Variants in UPRT observed in about 807,000 individuals in gnomAD.
UPRT encodes uracil phosphoribosyltransferase homolog.
UPRT carries 5 observed loss-of-function variants against 22.6 expected under a neutral mutation model. The ratio of observed to expected loss-of-function variants is 0.22; its 90% CI spans 0.12 to 0.47. The LOEUF is 0.47. Among genes scored for constraint, UPRT ranks in the 20% least tolerant of loss-of-function variants. The pLI, the probability that UPRT is intolerant of heterozygous loss-of-function variation, is 0.99. For missense variants in UPRT, 181 were observed against 239.9 expected (o/e 0.75, Z 1.62); for synonymous variants, 77 against 87.7 (o/e 0.88, Z 0.68).
At chrX:75,294,437 A>G in intron 2 of UPRT, 1 of 390,173 alleles carries the variant, frequency 2.6e-6, no homozygotes. Context: ...TAGATTTACA[A>G]ACTAAGTGCA....
In UPRT at chrX:75,180,681, G is replaced by GTTTTTTTTTTTTTTTTTTTTTTTTTT. The variant is rs59522302; in HGVS notation, c.-447+12815_-447+12816insTTTTTTTTTTTTTTTTTTTTTTTTTT. Among the ~76,000 whole-genome samples, 11 of 43,904 alleles carry GTTTTTTTTTTTTTTTTTTTTTTTTTT rather than the reference G, an allele frequency of 2.5e-4. 2 individuals are homozygous for GTTTTTTTTTTTTTTTTTTTTTTTTTT. Among genetic ancestry groups the GTTTTTTTTTTTTTTTTTTTTTTTTTT allele is most frequent in the Admixed American group, 3.6e-4 (1 of 2,758 alleles). The allele number at this position is 43,904 out of a possible 115,157, so 38.1% of individuals were successfully genotyped here. A position where few individuals can be genotyped will look rare whatever the true frequency, so the allele number is the denominator to read the frequency against. Reference sequence around the variant, plus strand: ...GTCTTCCATCTTCCCCCTTTTCTCTGTTTTTTTTTTTTTGTTTTTTTTTTT... The same window carrying GTTTTTTTTTTTTTTTTTTTTTTTTTT: ...GTCTTCCATCTTCCCCCTTTTCTCTGTTTTTTTTTTTTTTTTTTTTTTTTTTTTTTTTTTTTTTTGTTTTTTTTTTT... On this transcript the variant is annotated intron_variant, in intron 4 of 13. Coordinates refer to the UPRT transcript ENST00000652605.
At chrX:75,237,625 A>T (rs1165038519) in intron 4 of UPRT, among the ~76,000 whole-genome samples, 1 of 110,724 alleles carries the variant, frequency 9.0e-6, no homozygotes, top group Non-Finnish European at 1.9e-5. Context: ...GCCATAAAAA[A>T]TGATGAATTC....
In UPRT at chrX:75,279,545, A is replaced by G. The variant is rs1317868933; in HGVS notation, c.386+4905A>G. Among the ~76,000 whole-genome samples, 4 of 111,940 alleles carry G rather than the reference A, an allele frequency of 3.6e-5. No homozygotes were observed. The South Asian group carries it at 1.5e-3, about 42-fold the overall frequency. On this transcript the variant is annotated intron_variant, in intron 1 of 6. Transcript: ENST00000373383. Reference sequence around the variant, plus strand: ...GACACAAAGGATAATTAATGTAGCAATTGTAATCAGATAAAATGATAGTTT... The same window carrying G: ...GACACAAAGGATAATTAATGTAGCAGTTGTAATCAGATAAAATGATAGTTT...
chrX:75,297,556 A>G lies in UPRT; in HGVS notation c.562+3A>G, dbSNP rs763765255. On this transcript the variant is annotated splice_donor_region_variant and intron_variant, in intron 4 of 6. Transcript: ENST00000373383. ...TGGGGTCAGCATAATGAGAAGCGGT[A>G]GGTTCACGTGTGTGTGATTTTTGTC... The G allele has an allele frequency of 5.0e-6, 6 of 1,209,603 alleles. No homozygotes were observed. The highest frequency in any genetic ancestry group is 5.6e-6 in the Non-Finnish European group (5 of 894,668).
intron 6 of UPRT, among the ~76,000 whole-genome samples, chrX:75,303,184 A>G (rs2082750287): frequency 8.9e-6 from 1 of 112,060 alleles, no homozygotes; most frequent in South Asian, 3.7e-4. Flanking sequence ...TAATAATTCT[A>G]AGAATGTATT....
intron 1 of UPRT, among the ~76,000 whole-genome samples, chrX:75,283,101 C>T (rs570695676): frequency 8.9e-6 from 1 of 111,950 alleles, no homozygotes; most frequent in Middle Eastern, 4.6e-3. Context: ...TACTCCAGCT[C>T]GGTTTTGGTG....
At chrX:75,168,029 G>C (rs2082217424) in intron 4 of UPRT, among the ~76,000 whole-genome samples, 1 of 112,041 alleles carries the variant, frequency 8.9e-6, no homozygotes, top group Non-Finnish European at 1.9e-5. Context: ...GAAATAATTA[G>C]CAAGTATCAT....
At chrX:75,249,973 C>T (rs911532795) in intron 4 of UPRT, among the ~76,000 whole-genome samples, 31 of 111,709 alleles carry the variant, frequency 2.8e-4, no homozygotes, top group Admixed American at 8.6e-4. Context: ...GGGTACATAA[C>T]GAAACAAAGG....
chrX:75,200,788 C>CA (rs952338219), intron 4 of UPRT, among the ~76,000 whole-genome samples: 3 of 110,602 alleles, frequency 2.7e-5, no homozygotes, highest in Non-Finnish European at 3.8e-5. Flanking sequence ...AGATAAAAAA[C>CA]AAAAAAATTA....
chrX:75,215,314 G>GT (rs2082389651), intron 4 of UPRT, among the ~76,000 whole-genome samples: 1 of 108,804 alleles, frequency 9.2e-6, no homozygotes, highest in Non-Finnish European at 1.9e-5. Flanking sequence ...TAAGAAACTA[G>GT]AAAAAAGGAA....
At chrX:75,264,787 A>G (rs992360697) in intron 4 of UPRT, among the ~76,000 whole-genome samples, 1 of 111,543 alleles carries the variant, frequency 9.0e-6, no homozygotes, top group African/African-American at 3.3e-5. Context: ...CCCAGCCTCG[A>G]TGGTCTCTAC....
At chrX:75,297,463 T>G in intron 3 of UPRT, 28 bp from the exon 4 acceptor site, 1 of 1,200,006 alleles carries the variant, frequency 8.3e-7, no homozygotes, top group Non-Finnish European at 1.1e-6. Context: ...TGATGAAAGA[T>G]AAATTCTTTG....
At chrX:75,235,524 T>C (rs931221864) in intron 4 of UPRT, among the ~76,000 whole-genome samples, 2 of 112,019 alleles carry the variant, frequency 1.8e-5, no homozygotes, top group Admixed American at 9.5e-5. Flanking sequence ...ATATCCTTGA[T>C]GAACATTGAT....
At chrX:75,185,497 CTCTG>C (rs1299229262) in intron 4 of UPRT, among the ~76,000 whole-genome samples, 1 of 111,614 alleles carries the variant, frequency 9.0e-6, no homozygotes, top group Non-Finnish European at 1.9e-5. Flanking sequence ...TTGGTTGTGT[CTCTG>C]TCTGGCTTTG....
intron 4 of UPRT, among the ~76,000 whole-genome samples, chrX:75,174,211 A>G (rs1484180592): frequency 8.9e-6 from 1 of 112,088 alleles, no homozygotes; most frequent in Non-Finnish European, 1.9e-5. Flanking sequence ...AATTTGGCCA[A>G]TGACCGCTCT....
At chrX:75,264,925 C>T (rs2082582404) in intron 4 of UPRT, among the ~76,000 whole-genome samples, 1 of 111,740 alleles carries the variant, frequency 8.9e-6, no homozygotes, top group South Asian at 3.7e-4. Flanking sequence ...GATTTTATTT[C>T]TCCTTCACTT....
At chrX:75,216,439 G>C (rs1338904268) in intron 4 of UPRT, among the ~76,000 whole-genome samples, 2 of 112,521 alleles carry the variant, frequency 1.8e-5, no homozygotes, top group Non-Finnish European at 3.8e-5. Flanking sequence ...TTCCCTGTAA[G>C]ATCAGGAACA....
intron 4 of UPRT, among the ~76,000 whole-genome samples, chrX:75,172,699 G>A (rs945064441): frequency 7.2e-5 from 8 of 110,480 alleles, no homozygotes; most frequent in African/African-American, 2.3e-4. Flanking sequence ...TCGTGGTCTC[G>A]CTGGCTTAGG....
intron 4 of UPRT, among the ~76,000 whole-genome samples, chrX:75,264,288 C>G (rs1431507165): frequency 1.8e-5 from 2 of 111,674 alleles, no homozygotes; most frequent in African/African-American, 3.3e-5. Context: ...TGTTAACTTT[C>G]TGTCTCATTG....
Sources: gnomAD v4.1 joint callset for allele counts (sites outside exome capture counted in the v4.1 genomes callset) on GRCh38, gnomAD v4.1.1 for gene constraint, MANE v1.5 for transcripts, NCBI Gene and HGNC (gene_info 2026-07-23, HGNC 2026-07-21) for gene names.